LEMD3: variants seen among roughly 807,000 people sequenced by gnomAD.
LEMD3 encodes inner nuclear membrane protein Man1.
LEMD3 carries 33 observed loss-of-function variants against 95.2 expected under a neutral mutation model. The ratio of observed to expected loss-of-function variants is 0.35; its 90% CI spans 0.26 to 0.46. The LOEUF (loss-of-function observed/expected upper bound fraction) is 0.46. Among genes scored for constraint, LEMD3 ranks in the 20% least tolerant of loss-of-function variants. The pLI, the probability that LEMD3 is intolerant of heterozygous loss-of-function variation, is 1.00. For missense variants in LEMD3, 1,210 were observed against 1,192.8 expected, an observed-to-expected ratio of 1.01 and a Z score of -0.21; for synonymous variants, 525 against 474.6, an observed-to-expected ratio of 1.11 and a Z score of -1.38.
chr12:65,193,672 T>TC (rs1196266062), intron 1 of LEMD3, among the ~76,000 whole-genome samples: 1 of 151,264 alleles, frequency 6.6e-6, no homozygotes, highest in African/African-American at 2.4e-5. Flanking sequence ...TGCAACCAAT[T>TC]ATTAGAGAGA....
At chr12:65,243,343 A>C in intron 9 of LEMD3, 45 bp from the exon 10 acceptor site, 1 of 1,177,948 alleles carries the variant, frequency 8.5e-7, no homozygotes, top group Middle Eastern at 1.9e-4. Flanking sequence ...ACCTTTCAAC[A>C]AACTAGAACA....
chr12:65,204,473 C>T (rs1053359997), intron 1 of LEMD3, among the ~76,000 whole-genome samples: 1 of 152,126 alleles, frequency 6.6e-6, no homozygotes, highest in East Asian at 1.9e-4. Context: ...GGATAATGGC[C>T]TCCAGCCCCA....
At chr12:65,237,870 A>G (rs1019874525) in intron 4 of LEMD3, among the ~76,000 whole-genome samples, 9 of 152,338 alleles carry the variant, frequency 5.9e-5, no homozygotes, top group Admixed American at 2.6e-4. Context: ...TGAAACATCC[A>G]AATCTGGAAG....
At chr12:65,244,267 GCACA>G (rs200532626) in intron 10 of LEMD3, among the ~76,000 whole-genome samples, 7 of 142,388 alleles carry the variant, frequency 4.9e-5, no homozygotes, top group Non-Finnish European at 9.0e-5. Context: ...GTGGGCACGC[GCACA>G]CACACACACA....
Position 65,246,151 on chromosome 12 carries a change from T to A in LEMD3, c.2573-11T>A. ...TTACTGATCTAAAATATTATTTTTA[T>A]CTTACAACAGGGAAATTGGTTACAG... On this transcript the variant is annotated splice_polypyrimidine_tract_variant and intron_variant, in intron 12 of 12. Transcript: ENST00000308330. 6.3e-7 allele frequency: 1 copy of A among 1,592,624 alleles called. No individual in the cohort carries two copies. Among genetic ancestry groups the A allele is most frequent in the Non-Finnish European group, 8.6e-7 (1 of 1,162,362 alleles).
At chr12:65,193,692 A>G (rs563160498) in intron 1 of LEMD3, among the ~76,000 whole-genome samples, 2 of 150,232 alleles carry the variant, frequency 1.3e-5, no homozygotes, top group South Asian at 2.1e-4. Context: ...ACAGTTAACA[A>G]CTGCCTGGCC....
chr12:65,240,560 T>C (rs910149655), intron 8 of LEMD3: 4 of 411,706 alleles, frequency 9.7e-6, no homozygotes, highest in African/African-American at 6.1e-5. Context: ...GTTTTACTAA[T>C]GTTTTTTAAG....
chr12:65,233,195 G>T (rs1592459497), intron 4 of LEMD3, among the ~76,000 whole-genome samples: 2 of 152,162 alleles, frequency 1.3e-5, no homozygotes, highest in East Asian at 3.9e-4. Context: ...ATGGAACTGG[G>T]AATAGAACCA....
chr12:65,227,501 G>T (rs139057384), intron 4 of LEMD3, among the ~76,000 whole-genome samples: 2,477 of 152,160 alleles, frequency 0.016, 28 homozygotes, highest in Non-Finnish European at 0.022. Context: ...AAAATTTGTA[G>T]ATGCTCAAGT....
At chr12:65,213,466 A>T (rs1024787308) in intron 2 of LEMD3, among the ~76,000 whole-genome samples, 5 of 152,142 alleles carry the variant, frequency 3.3e-5, no homozygotes, top group African/African-American at 1.2e-4. Flanking sequence ...AGCTCAAGCA[A>T]TTCTCCTGGC....
At chr12:65,231,933 A>G (rs900778126) in intron 4 of LEMD3, among the ~76,000 whole-genome samples, 16 of 152,004 alleles carry the variant, frequency 1.1e-4, no homozygotes, top group Non-Finnish European at 2.2e-4. Context: ...AATGTTTTCT[A>G]TCACTGAATA....
intron 4 of LEMD3, among the ~76,000 whole-genome samples, chr12:65,219,109 A>G (rs1444617391): frequency 6.6e-6 from 1 of 152,084 alleles, no homozygotes; most frequent in Non-Finnish European, 1.5e-5. Flanking sequence ...TTTGTTTTAG[A>G]ACATTCTCTA....
At chr12:65,218,651 T>C (rs371801071) in intron 4 of LEMD3, 32 bp downstream of exon 4, 7 of 1,292,736 alleles carry the variant, frequency 5.4e-6, no homozygotes, top group Non-Finnish European at 7.7e-6. Flanking sequence ...TTAATAGCTA[T>C]ATTTTAAAAA....
intron 1 of LEMD3, among the ~76,000 whole-genome samples, chr12:65,199,706 T>G (rs1162374496): frequency 6.6e-6 from 1 of 152,106 alleles, no homozygotes; most frequent in Non-Finnish European, 1.5e-5. Context: ...TTAGATTGAA[T>G]TATGAATAAA....
intron 1 of LEMD3, among the ~76,000 whole-genome samples, chr12:65,189,557 T>C (rs901865099): frequency 3.3e-5 from 5 of 152,184 alleles, no homozygotes; most frequent in Admixed American, 2.0e-4. Flanking sequence ...CCAAGCAGTT[T>C]ATAGATACAA....
intron 4 of LEMD3, among the ~76,000 whole-genome samples, chr12:65,233,238 C>G (rs1182930725): frequency 6.6e-6 from 1 of 152,062 alleles, no homozygotes; most frequent in Admixed American, 6.6e-5. Flanking sequence ...ATTGTTCTGC[C>G]TCTTAAGTGG....
intron 1 of LEMD3, among the ~76,000 whole-genome samples, chr12:65,173,960 C>T (rs926225377): frequency 1.3e-5 from 2 of 152,122 alleles, no homozygotes; most frequent in Non-Finnish European, 1.5e-5. Flanking sequence ...TATACACACA[C>T]ATACATACAC....
intron 6 of LEMD3, among the ~76,000 whole-genome samples, chr12:65,239,617 G>T (rs1452294940): frequency 1.3e-5 from 2 of 151,984 alleles, no homozygotes; most frequent in African/African-American, 4.8e-5. Context: ...ATCTCATGAG[G>T]TTCACTTTTC....
rs915034215 is a variant in LEMD3 at position 65,246,911 on chromosome 12, A to T, written c.*586A>T. 2.1e-4 allele frequency: 33 copies of T among 154,440 alleles called. No homozygotes were observed. Among genetic ancestry groups the T allele is most frequent in the African/African-American group, 8.0e-4 (33 of 41,460 alleles). 9.6% of individuals were successfully genotyped at this position (154,440 alleles called of 1,614,324 possible). On this transcript the variant is annotated 3_prime_UTR_variant, in exon 13 of 13. Coordinates refer to ENST00000308330, the MANE Select transcript of LEMD3 (RefSeq NM_014319.5). ...AAACTGGCTTTGTATATATGTATAA[A>T]TGCTGGTGGTGGTGAAAGTAGTCTT...
Sources: gnomAD v4.1 joint callset for allele counts (sites outside exome capture counted in the v4.1 genomes callset) on GRCh38, gnomAD v4.1.1 for gene constraint, MANE v1.5 for transcripts, NCBI Gene and HGNC (gene_info 2026-07-23, HGNC 2026-07-21) for gene names.